The following LTBP1 variants were observed in gnomAD, a reference collection of about 807,000 sequenced individuals.
LTBP1 encodes the protein latent transforming growth factor beta binding protein 1.
Under a neutral mutation model 207.6 loss-of-function variants are expected in LTBP1, and 129 were observed. The ratio of observed to expected loss-of-function variants is 0.62; its 90% CI spans 0.54 to 0.72. The LOEUF is 0.72. Ranked by LOEUF, LTBP1 falls within the 30% of genes least tolerant of loss-of-function variation. The pLI, the probability that LTBP1 is intolerant of heterozygous loss-of-function variation, is 0.00. For missense variants in LTBP1, 2,281 were observed against 2,217.2 expected, an observed-to-expected ratio of 1.03 and a Z score of -0.58; for synonymous variants, 963 against 833.7, an observed-to-expected ratio of 1.16 and a Z score of -2.67.
At chr2:33,269,452 A>C (rs1420015238) in intron 15 of LTBP1, among the ~76,000 whole-genome samples, 1 of 152,174 alleles carries the variant, frequency 6.6e-6, no homozygotes, top group Non-Finnish European at 1.5e-5. Context: ...AGGTGGCATT[A>C]TGAAGGACAT....
chr2:33,307,867 C>G (rs1350808696), intron 22 of LTBP1, among the ~76,000 whole-genome samples: 1 of 152,144 alleles, frequency 6.6e-6, no homozygotes, highest in Non-Finnish European at 1.5e-5. Context: ...TCTTATTTCT[C>G]TTTTGTTTGC....
intron 19 of LTBP1, chr2:33,286,024 T>C (rs2148685782): frequency 6.6e-6 from 1 of 152,340 alleles, no homozygotes; most frequent in East Asian, 1.9e-4. Context: ...ATTCCTGTAC[T>C]TTATTGTCTC....
intron 5 of LTBP1, among the ~76,000 whole-genome samples, chr2:33,174,160 A>G (rs890734552): frequency 2.7e-5 from 4 of 146,894 alleles, no homozygotes; most frequent in African/African-American, 4.9e-5. Flanking sequence ...AGCCAGGGCA[A>G]TCAGGCAGGA....
intron 19 of LTBP1, among the ~76,000 whole-genome samples, chr2:33,289,248 C>T (rs992901962): frequency 6.6e-5 from 10 of 152,210 alleles, no homozygotes; most frequent in East Asian, 1.9e-4. Flanking sequence ...CCTGATACCT[C>T]GGCAAGTTTC....
chr2:32,994,032 C>G (rs219162), intron 2 of LTBP1, among the ~76,000 whole-genome samples: 84,769 of 149,940 alleles, frequency 0.57, 25,483 homozygotes, highest in East Asian at 0.69. Context: ...AGGGACCATT[C>G]ATTACAGAGC....
chr2:33,177,150 T>C (rs1212140645), intron 5 of LTBP1, among the ~76,000 whole-genome samples: 1 of 152,226 alleles, frequency 6.6e-6, no homozygotes, highest in African/African-American at 2.4e-5. Flanking sequence ...TTAATGTCTA[T>C]GCTCTGTATT....
chr2:32,970,241 T>G (rs1680650463), intron 2 of LTBP1, among the ~76,000 whole-genome samples: 1 of 152,236 alleles, frequency 6.6e-6, no homozygotes, highest in South Asian at 2.1e-4. Flanking sequence ...GATAGTTTCC[T>G]TTGCTGTGCA....
intron 5 of LTBP1, among the ~76,000 whole-genome samples, chr2:33,185,670 C>G (rs570925163): frequency 2.0e-5 from 3 of 152,240 alleles, no homozygotes; most frequent in African/African-American, 4.8e-5. Context: ...TCATGGAAAC[C>G]AAGGGAAGAC....
intron 3 of LTBP1, among the ~76,000 whole-genome samples, chr2:33,043,565 G>GT (rs751493437): frequency 6.6e-6 from 1 of 152,144 alleles, no homozygotes; most frequent in Non-Finnish European, 1.5e-5. Flanking sequence ...GGGAGAGAGT[G>GT]TTTCAGGCTA....
intron 20 of LTBP1, among the ~76,000 whole-genome samples, chr2:33,297,421 T>G (rs2093899983): frequency 6.6e-6 from 1 of 150,714 alleles, no homozygotes; most frequent in African/African-American, 2.4e-5. Flanking sequence ...ATTTATTTAT[T>G]TATTTATTTA....
intron 31 of LTBP1, among the ~76,000 whole-genome samples, chr2:33,380,225 G>A (rs2095196173): frequency 1.3e-5 from 2 of 152,058 alleles, no homozygotes; most frequent in African/African-American, 4.8e-5. Flanking sequence ...TTATATTACA[G>A]CCACAGGTTT....
rs369335045 is a variant in LTBP1, at chr2:33,049,166, C to T, written c.863+27960C>T. On this transcript the variant is annotated intron_variant, in intron 3 of 33. Transcript: ENST00000404816. ...TTCATTCCTAAAAACAATAGGTGTG[C>T]GTTACATGTTAACTCATATTTGCAT... Among the ~76,000 whole-genome samples, 38 of 152,186 alleles carry T rather than the reference C, an allele frequency of 2.5e-4. 1 individual carries two copies. In the South Asian group the frequency reaches 6.9e-3, roughly 28 times the overall value.
chr2:33,116,906 T>A (rs2080780508), intron 4 of LTBP1, among the ~76,000 whole-genome samples: 1 of 152,226 alleles, frequency 6.6e-6, no homozygotes, highest in East Asian at 1.9e-4. Context: ...AGGGTCCCTA[T>A]TAAGTGACTT....
chr2:33,052,779 C>G (rs2076808774), intron 3 of LTBP1, among the ~76,000 whole-genome samples: 1 of 152,118 alleles, frequency 6.6e-6, no homozygotes, highest in South Asian at 2.1e-4. Flanking sequence ...TTTTATTCTT[C>G]AGGTTATATT....
intron 5 of LTBP1, among the ~76,000 whole-genome samples, chr2:33,156,819 G>A (rs773274944): frequency 6.6e-6 from 1 of 152,070 alleles, no homozygotes; most frequent in East Asian, 1.9e-4. Context: ...TAAATTGATA[G>A]CATTGCCTAG....
At chr2:33,148,235 T>A (rs1269586753) in intron 5 of LTBP1, among the ~76,000 whole-genome samples, 1 of 152,218 alleles carries the variant, frequency 6.6e-6, no homozygotes, top group African/African-American at 2.4e-5. Context: ...TTAAGCATTT[T>A]GACGATATTT....
At chr2:32,977,895 C>G (rs892926568) in intron 2 of LTBP1, among the ~76,000 whole-genome samples, 1 of 152,198 alleles carries the variant, frequency 6.6e-6, no homozygotes, top group South Asian at 2.1e-4. Flanking sequence ...CAGTTTCTTG[C>G]ATCAATGTTT....
chr2:33,272,270 AGT>A (rs772159252), intron 15 of LTBP1, among the ~76,000 whole-genome samples: 18 of 152,316 alleles, frequency 1.2e-4, no homozygotes, highest in Middle Eastern at 3.4e-3. Context: ...CAGAATAGAC[AGT>A]GTGTTATTAG....
At position 33,347,503 on chromosome 2, in the gene LTBP1, C is replaced by T; in HGVS notation, c.3993C>T (p.Thr1331=). Reference sequence around the variant, plus strand: ...TGACTGGGCAGTGCCGCTCCCGGACCTCCACAGGTAAGTCCCAGTGACACT... The same window carrying T: ...TGACTGGGCAGTGCCGCTCCCGGACTTCCACAGGTAAGTCCCAGTGACACT... ...SPMTGQCRSR[T]STDLDVDVDQ... is the part of the protein sequence containing the mutation. The change falls in exon 26 of 34, where the codon ACC becomes ACT. Residue 1331 remains threonine, a synonymous_variant. Transcript: ENST00000404816. 1.2e-6 allele frequency: 2 copies of T among 1,614,126 alleles called. No homozygotes were observed. The highest frequency in any genetic ancestry group is 2.2e-5 in the East Asian group (1 of 44,892).
Sources: gnomAD v4.1 joint callset for allele counts (sites outside exome capture counted in the v4.1 genomes callset) on GRCh38, gnomAD v4.1.1 for gene constraint, MANE v1.5 for transcripts, NCBI Gene and HGNC (gene_info 2026-07-23, HGNC 2026-07-21) for gene names.